Variants in PLEKHH2 observed in about 807,000 individuals in gnomAD.
PLEKHH2 encodes the protein pleckstrin homology domain-containing family H member 2.
In PLEKHH2, 129 loss-of-function variants were observed where a neutral mutation model predicts 187.9. The ratio of observed to expected loss-of-function variants is 0.69; its 90% CI spans 0.59 to 0.79. The LOEUF (loss-of-function observed/expected upper bound fraction) is 0.79. Ranked by LOEUF, PLEKHH2 falls within the 30% of genes least tolerant of loss-of-function variation. The probability of loss-of-function intolerance (pLI) is 0.00; values close to 1 mark genes in which losing one functional copy is unlikely to be tolerated. For missense variants in PLEKHH2, 2,076 were observed against 1,751.2 expected, an observed-to-expected ratio of 1.19 and a Z score of -3.31; for synonymous variants, 686 against 605.6, an observed-to-expected ratio of 1.13 and a Z score of -1.95.
chr2:43,651,210 T>C (rs1297096804), intron 2 of PLEKHH2, among the ~76,000 whole-genome samples: 1 of 152,100 alleles, frequency 6.6e-6, no homozygotes, highest in Non-Finnish European at 1.5e-5. Context: ...TTCTGTTATG[T>C]GTATTCATTA....
chr2:43,700,831 G>A (rs1473470159), intron 8 of PLEKHH2, among the ~76,000 whole-genome samples: 2 of 152,030 alleles, frequency 1.3e-5, no homozygotes, highest in South Asian at 2.1e-4. Context: ...TGTATTTTTG[G>A]TAGAGACGGG....
chr2:43,660,513 C>T (rs1279706627), intron 2 of PLEKHH2, among the ~76,000 whole-genome samples: 3 of 135,602 alleles, frequency 2.2e-5, no homozygotes, highest in African/African-American at 6.1e-5. Flanking sequence ...TACATGTGCA[C>T]ATTGTGCAGG....
chr2:43,678,650 G>A (rs1667995638), intron 2 of PLEKHH2, among the ~76,000 whole-genome samples: 1 of 152,018 alleles, frequency 6.6e-6, no homozygotes, highest in Admixed American at 6.5e-5. Context: ...AGTGAGCCGA[G>A]ATGGCAGCAG....
chr2:43,752,320 T>C lies in PLEKHH2; in HGVS notation c.3654-1299T>C, dbSNP rs140027145. On this transcript the variant is annotated intron_variant, in intron 24 of 29. Transcript: ENST00000282406. ...TAACAATATAATCCTGCATTATTTG[T>C]CTTTGTGTAGTCATCATAGATTAAA... Among the ~76,000 whole-genome samples the C allele has an allele frequency of 2.6e-4, 40 of 152,314 alleles. 1 individual carries two copies. The highest frequency in any genetic ancestry group is 8.7e-4 in the African/African-American group (36 of 41,544).
chr2:43,706,468 A>T (rs775187715), intron 10 of PLEKHH2, 52 bp downstream of exon 10: 7 of 1,284,746 alleles, frequency 5.4e-6, no homozygotes, highest in Non-Finnish European at 6.7e-6. Context: ...ATGATGGATC[A>T]AGGAAATTGT....
intron 3 of PLEKHH2, among the ~76,000 whole-genome samples, chr2:43,682,228 G>A (rs1374581549): frequency 3.3e-5 from 5 of 152,132 alleles, no homozygotes; most frequent in Non-Finnish European, 7.3e-5. Context: ...CAAAGATCTA[G>A]TCAGTATTCA....
chr2:43,692,046 C>G (rs1188425829), intron 3 of PLEKHH2, among the ~76,000 whole-genome samples: 1 of 151,794 alleles, frequency 6.6e-6, no homozygotes, highest in Non-Finnish European at 1.5e-5. Context: ...GGTTGTTTTC[C>G]CACCCCCCTT....
chr2:43,682,316 C>CT (rs926342616), intron 3 of PLEKHH2, among the ~76,000 whole-genome samples: 12 of 149,920 alleles, frequency 8.0e-5, no homozygotes, highest in South Asian at 4.2e-4. Flanking sequence ...ATAAAATTAA[C>CT]TTTTTTTTTT....
At chr2:43,638,290 C>T (rs1418562056) in intron 1 of PLEKHH2, among the ~76,000 whole-genome samples, 1 of 146,608 alleles carries the variant, frequency 6.8e-6, no homozygotes, top group African/African-American at 2.5e-5. Flanking sequence ...CACACACACT[C>T]ACACACACGA....
At chr2:43,748,937 A>G (rs1671893001) in intron 24 of PLEKHH2, among the ~76,000 whole-genome samples, 1 of 152,128 alleles carries the variant, frequency 6.6e-6, no homozygotes, top group Non-Finnish European at 1.5e-5. Flanking sequence ...TTGTATTTTT[A>G]GTAGAGACTG....
Position 43,699,645 on chromosome 2 carries a change from A to G in PLEKHH2, c.689-2A>G, listed in dbSNP as rs1371467296. 2.5e-6 allele frequency: 4 copies of G among 1,609,334 alleles called. No individual in the cohort carries two copies. Among genetic ancestry groups the G allele is most frequent in the Non-Finnish European group, 2.5e-6 (3 of 1,177,768 alleles). On this transcript the variant is annotated splice_acceptor_variant, in intron 7 of 29. Transcript: ENST00000282406. LOFTEE classifies it high-confidence loss of function. ...ATGCTGATATGATGTATCCTTTTCT[A>G]GAAATGGAAATTCCAGAAAAGTCTG... is the stretch of plus-strand genomic sequence containing the variant.
chr2:43,761,522 T>G (rs992446888), intron 27 of PLEKHH2, among the ~76,000 whole-genome samples: 1 of 151,584 alleles, frequency 6.6e-6, no homozygotes, highest in African/African-American at 2.4e-5. Flanking sequence ...GCTGTTCTCC[T>G]GTCTCAGCCT....
intron 6 of PLEKHH2, among the ~76,000 whole-genome samples, 160 bp downstream of exon 6, chr2:43,695,384 G>C (rs1379301516): frequency 6.6e-6 from 1 of 152,232 alleles, no homozygotes; most frequent in Non-Finnish European, 1.5e-5. Context: ...CTGCATTCGA[G>C]TGAATGTTGG....
chr2:43,734,754 T>C (rs745562922), intron 19 of PLEKHH2, among the ~76,000 whole-genome samples: 32 of 152,160 alleles, frequency 2.1e-4, no homozygotes, highest in Non-Finnish European at 2.1e-4. Context: ...TGGGAGTATA[T>C]CCAAATGAAA....
chr2:43,754,392 G>C (rs566203869), intron 25 of PLEKHH2, among the ~76,000 whole-genome samples: 69 of 151,214 alleles, frequency 4.6e-4, no homozygotes, highest in Non-Finnish European at 8.8e-4. Context: ...TCAGTGTTCC[G>C]GGCTTCAGGG....
Position 43,757,163 on chromosome 2 carries a change from G to A in PLEKHH2, c.3840G>A (p.Gly1280=), listed in dbSNP as rs1425355145. ...DFERPFSTPA[G]HVTNQCKVNQ... ...AAAGACCTTTCTCAACTCCAGCAGGGCATGTTACCAATCAGTGCAAAGTGA... is the reference window on the plus strand; with the variant it reads ...AAAGACCTTTCTCAACTCCAGCAGGACATGTTACCAATCAGTGCAAAGTGA... Residue 1280 remains glycine (G), a synonymous_variant, in exon 26 of 30, where the codon GGG becomes GGA. Transcript: ENST00000282406. The A allele has an allele frequency of 1.3e-6, 2 of 1,599,180 alleles. No homozygotes were observed. The highest frequency in any genetic ancestry group is 8.5e-7 in the Non-Finnish European group (1 of 1,174,378).
At chr2:43,655,989 C>T (rs1012784173) in intron 2 of PLEKHH2, among the ~76,000 whole-genome samples, 4 of 149,970 alleles carry the variant, frequency 2.7e-5, no homozygotes, top group Non-Finnish European at 5.9e-5. Context: ...GATAGAGTCT[C>T]GCTGTATTGC....
chr2:43,643,258 C>G (rs900392540), intron 1 of PLEKHH2, among the ~76,000 whole-genome samples: 43 of 152,140 alleles, frequency 2.8e-4, no homozygotes, highest in Non-Finnish European at 4.3e-4. Flanking sequence ...TCTATGAAAA[C>G]AAAGAAATGA....
At chr2:43,744,139 G>A in intron 23 of PLEKHH2, 150 bp downstream of exon 23, 4 of 1,394,518 alleles carry the variant, frequency 2.9e-6, no homozygotes, top group South Asian at 3.5e-5. Flanking sequence ...AAAAAATGCA[G>A]GACTTTGTTA....
Sources: allele counts gnomAD v4.1 joint callset (sites outside exome capture counted in the v4.1 genomes callset), GRCh38; gene constraint gnomAD v4.1.1; transcripts MANE v1.5; gene names NCBI Gene and HGNC (gene_info 2026-07-23, HGNC 2026-07-21).